KLF12: variants seen among roughly 807,000 people sequenced by gnomAD.
KLF12 encodes Krueppel-like factor 12.
KLF12 carries 9 observed loss-of-function variants against 37.8 expected under a neutral mutation model. That is an observed-to-expected ratio of 0.24 (90% confidence interval 0.14 to 0.42). The LOEUF (loss-of-function observed/expected upper bound fraction) is 0.42, where lower values mean the gene tolerates loss of function less well. KLF12 is among the 10% of genes least tolerant of loss of function. The pLI is 1.00. For missense variants in KLF12, 411 were observed against 516.0 expected, an observed-to-expected ratio of 0.80 and a Z score of 1.97; for synonymous variants, 208 against 202.1, an observed-to-expected ratio of 1.03 and a Z score of -0.25.
At chr13:74,191,199 A>T in the KLF12 span, among the ~76,000 whole-genome samples, 2 of 152,160 alleles carry the variant, frequency 1.3e-5, no homozygotes, top group African/African-American at 4.8e-5. Flanking sequence ...TGTGACAAGC[A>T]GTATATTCTG....
At chr13:74,161,050 T>C in the KLF12 span, among the ~76,000 whole-genome samples, 1 of 150,086 alleles carries the variant, frequency 6.7e-6, no homozygotes, top group African/African-American at 2.4e-5. Flanking sequence ...GAGATTGGTT[T>C]TGGACATTCA....
At chr13:73,991,721 T>C (rs999100480) in intron 2 of KLF12, among the ~76,000 whole-genome samples, 9 of 152,302 alleles carry the variant, frequency 5.9e-5, no homozygotes, top group African/African-American at 1.9e-4. Context: ...CTACCCTACA[T>C]ACACTTACAG....
chr13:73,822,136 A>G (rs371883211), intron 4 of KLF12, among the ~76,000 whole-genome samples: 2 of 152,374 alleles, frequency 1.3e-5, no homozygotes, highest in East Asian at 3.9e-4. Context: ...CAATATAATG[A>G]TGCAAGTGTC....
chr13:74,042,817 C>T (rs17062027), intron 1 of KLF12, among the ~76,000 whole-genome samples: 16,750 of 151,996 alleles, frequency 0.11, 1,001 homozygotes, highest in African/African-American at 0.14. Flanking sequence ...TAAATGAATA[C>T]GAAAAAAGCA....
intron 4 of KLF12, among the ~76,000 whole-genome samples, chr13:73,841,746 C>G (rs1191049880): frequency 1.3e-5 from 2 of 152,044 alleles, no homozygotes; most frequent in Non-Finnish European, 2.9e-5. Context: ...ACTTTTGCAC[C>G]AACGTAATAA....
chr13:74,185,882 G>T, the KLF12 span, among the ~76,000 whole-genome samples: 3 of 152,226 alleles, frequency 2.0e-5, no homozygotes, highest in African/African-American at 7.2e-5. Context: ...GACCTCAAGT[G>T]ATCTGCCTGC....
At position 73,775,145 on chromosome 13, in the gene KLF12, T is replaced by C. The variant is rs529007711; in HGVS notation, c.807-10145A>G. 1.9e-3 allele frequency among the ~76,000 whole-genome samples: 289 copies of C among 152,268 alleles called. 1 individual carries two copies. The highest frequency in any genetic ancestry group is 6.5e-3 in the African/African-American group (269 of 41,554). The stretch of plus-strand genomic sequence containing the variant: ...ATTGGCCAGGCTGGGCTCGAACTCC[T>C]GACCTCAGGTGATCCACCCACCTCG... On this transcript the variant is annotated intron_variant, in intron 5 of 7. Transcript: ENST00000377669.
At chr13:73,847,474 A>C (rs1885093091) in intron 3 of KLF12, among the ~76,000 whole-genome samples, 1 of 152,170 alleles carries the variant, frequency 6.6e-6, no homozygotes, top group Non-Finnish European at 1.5e-5. Context: ...TAAAGGAATG[A>C]AACATGTTTC....
At chr13:73,841,591 T>G (rs1245927930) in intron 4 of KLF12, among the ~76,000 whole-genome samples, 1 of 152,126 alleles carries the variant, frequency 6.6e-6, no homozygotes, top group Non-Finnish European at 1.5e-5. Flanking sequence ...GCCACAAACT[T>G]ACCCAAAAAG....
intron 6 of KLF12, among the ~76,000 whole-genome samples, chr13:73,728,916 G>T (rs1285471165): frequency 6.6e-6 from 1 of 152,164 alleles, no homozygotes. Context: ...TGGTATCAAA[G>T]AATAAGTTAG....
the KLF12 span, among the ~76,000 whole-genome samples, chr13:74,172,142 GACAC>G: frequency 3.4e-4 from 49 of 146,072 alleles, no homozygotes; most frequent in African/African-American, 1.0e-3. Flanking sequence ...TTTTCCTCAC[GACAC>G]ACACACACAC....
At chr13:73,722,995 G>C (rs1191993467) in intron 6 of KLF12, among the ~76,000 whole-genome samples, 6 of 152,056 alleles carry the variant, frequency 3.9e-5, no homozygotes, top group Admixed American at 3.9e-4. Flanking sequence ...TCACTTTCTA[G>C]ACCGTTAAAA....
chr13:73,955,917 G>A (rs541633629), intron 2 of KLF12, among the ~76,000 whole-genome samples: 8 of 152,298 alleles, frequency 5.3e-5, no homozygotes, highest in Admixed American at 1.3e-4. Flanking sequence ...TCACCCTGAC[G>A]ATGTTCTTTC....
chr13:74,184,921 G>T, the KLF12 span, among the ~76,000 whole-genome samples: 1 of 152,172 alleles, frequency 6.6e-6, no homozygotes, highest in African/African-American at 2.4e-5. Context: ...TAAATGTTCT[G>T]CAGATTGGAC....
In KLF12 at chr13:73,755,196, T is replaced by C. The variant is rs568804236; in HGVS notation, c.869+9742A>G. ...ACTCTCAGAAAAGCAGCGTTTCTTT[T>C]TCTTTTCAGACCTCTGAGGAAAAAA... On this transcript the variant is annotated intron_variant, in intron 6 of 7. Transcript: ENST00000377669. Among the ~76,000 whole-genome samples the C allele has an allele frequency of 3.2e-4, 49 of 152,344 alleles. 2 individuals carry two copies. The South Asian group carries it at 9.9e-3, about 31-fold the overall frequency.
At chr13:74,244,318 T>G in the KLF12 span, among the ~76,000 whole-genome samples, 1 of 152,328 alleles carries the variant, frequency 6.6e-6, no homozygotes, top group African/African-American at 2.4e-5. Flanking sequence ...ACCTAAAACA[T>G]TCAGGGGCTC....
chr13:74,243,871 G>A, the KLF12 span, among the ~76,000 whole-genome samples: 3 of 152,342 alleles, frequency 2.0e-5, no homozygotes, highest in African/African-American at 4.8e-5. Context: ...TATAGGCAAT[G>A]TGGAGGAGGC....
chr13:73,947,722 A>G (rs955923986), intron 2 of KLF12, among the ~76,000 whole-genome samples: 5 of 151,570 alleles, frequency 3.3e-5, no homozygotes, highest in Non-Finnish European at 7.4e-5. Flanking sequence ...CAAAAACCAT[A>G]TAATCACAAC....
chr13:74,291,362 C>T, the KLF12 span, among the ~76,000 whole-genome samples: 13 of 152,190 alleles, frequency 8.5e-5, no homozygotes, highest in Non-Finnish European at 1.9e-4. Context: ...GCATGAGATG[C>T]AAGTGTGATT....
Sources: allele counts gnomAD v4.1 joint callset (sites outside exome capture counted in the v4.1 genomes callset), GRCh38; gene constraint gnomAD v4.1.1; transcripts MANE v1.5; gene names NCBI Gene and HGNC (gene_info 2026-07-23, HGNC 2026-07-21).